RNF216: variants seen among roughly 807,000 people sequenced by gnomAD.
RNF216 encodes E3 ubiquitin-protein ligase RNF216.
A neutral mutation model predicts 110.8 loss-of-function variants in RNF216; 72 were observed. The observed-to-expected ratio is 0.65, with a 90% CI of 0.54 to 0.79. The LOEUF (loss-of-function observed/expected upper bound fraction) is 0.79, where lower values mean the gene tolerates loss of function less well. RNF216 is among the 30% of genes least tolerant of loss of function. RNF216 has a pLI of 0.00. For synonymous variants in RNF216, 495 were observed against 407.5 expected, an observed-to-expected ratio of 1.21 and a Z score of -2.59; for missense variants, 1,342 against 1,141.2, an observed-to-expected ratio of 1.18 and a Z score of -2.54.
At chr7:5,749,683 C>T (rs1485202278) in intron 3 of RNF216, among the ~76,000 whole-genome samples, 1 of 152,098 alleles carries the variant, frequency 6.6e-6, no homozygotes, top group Non-Finnish European at 1.5e-5. Flanking sequence ...CAATTATAAT[C>T]CTAAAGTGCT....
At chr7:5,646,648 G>A (rs985309881) in intron 14 of RNF216, among the ~76,000 whole-genome samples, 1 of 150,932 alleles carries the variant, frequency 6.6e-6, no homozygotes, top group Non-Finnish European at 1.5e-5. Flanking sequence ...AGCCAAGATT[G>A]CACCACTGCA....
At chr7:5,676,793 G>T (rs991354694) in intron 13 of RNF216, among the ~76,000 whole-genome samples, 1 of 152,204 alleles carries the variant, frequency 6.6e-6, no homozygotes, top group Non-Finnish European at 1.5e-5. Context: ...ACACAGAAAA[G>T]CCACTGGACT....
chr7:5,639,175 G>C (rs1264342390), intron 15 of RNF216, among the ~76,000 whole-genome samples: 3 of 152,170 alleles, frequency 2.0e-5, no homozygotes, highest in African/African-American at 7.2e-5. Flanking sequence ...CATTCCTTAA[G>C]AGATAGGGAA....
intron 1 of RNF216, among the ~76,000 whole-genome samples, chr7:5,775,629 A>T (rs1796730689): frequency 6.6e-6 from 1 of 151,828 alleles, no homozygotes; most frequent in South Asian, 2.1e-4. Context: ...CAAAACTTTG[A>T]GAGGCCGAGG....
intron 3 of RNF216, among the ~76,000 whole-genome samples, chr7:5,747,913 G>C (rs1055659632): frequency 6.6e-6 from 1 of 152,056 alleles, no homozygotes; most frequent in African/African-American, 2.4e-5. Context: ...AAAGGACTGA[G>C]ATTACAGGTT....
intron 9 of RNF216, among the ~76,000 whole-genome samples, chr7:5,719,849 T>C (rs140810152): frequency 6.6e-6 from 1 of 152,216 alleles, no homozygotes; most frequent in African/African-American, 2.4e-5. Flanking sequence ...GTGGCTCAGT[T>C]GCATAAGTGC....
chr7:5,702,259 T>G (rs1347029992), intron 13 of RNF216, among the ~76,000 whole-genome samples: 1 of 152,112 alleles, frequency 6.6e-6, no homozygotes, highest in Non-Finnish European at 1.5e-5. Context: ...CACTCACAGC[T>G]CCCAGCCTCC....
intron 1 of RNF216, among the ~76,000 whole-genome samples, chr7:5,774,099 G>A (rs1562483414): frequency 1.3e-5 from 2 of 152,206 alleles, no homozygotes; most frequent in Non-Finnish European, 2.9e-5. Context: ...TTAACTAAAT[G>A]TAAGTCTCTG....
At chr7:5,709,893 TATGGGCACACACCACCATGCC>T in intron 13 of RNF216, among the ~76,000 whole-genome samples, 1 of 152,326 alleles carries the variant, frequency 6.6e-6, no homozygotes, top group East Asian at 1.9e-4. Context: ...TAGCTAGGAC[TATGGGCACACACCACCATGCC>T]TAGCTGAGTT....
chr7:5,652,344 T>C, intron 14 of RNF216, 69 bp downstream of exon 14: 1 of 1,129,112 alleles, frequency 8.9e-7, no homozygotes, highest in Non-Finnish European at 1.4e-6. Context: ...GTATGCCCTC[T>C]CTACCAAAAA....
At chr7:5,673,550 G>C (rs1316058722) in intron 13 of RNF216, among the ~76,000 whole-genome samples, 2 of 152,252 alleles carry the variant, frequency 1.3e-5, no homozygotes. Context: ...GCAGGGAAGA[G>C]AGCAAGTTGC....
intron 13 of RNF216, among the ~76,000 whole-genome samples, chr7:5,661,825 G>A (rs1156402408): frequency 6.6e-6 from 1 of 152,060 alleles, no homozygotes; most frequent in African/African-American, 2.4e-5. Context: ...AACAAAAAAG[G>A]TAAGAGAAAA....
Position 5,722,714 on chromosome 7 carries a change from C to G in RNF216, c.1505-1542G>C, listed in dbSNP as rs531593504. On this transcript the variant is annotated intron_variant, in intron 8 of 16. Transcript: ENST00000389902. ...CTCTCATGTTTTTTTAAATTCAAAC[C>G]TTTTCTTCAGAAAACCAGTTTTTGG... 4.6e-5 allele frequency among the ~76,000 whole-genome samples: 7 copies of G among 151,730 alleles called. No homozygotes were observed. In the East Asian group the frequency reaches 1.4e-3, roughly 30 times the overall value.
At chr7:5,675,726 T>TTTTTTTTTTTTG (rs1790243423) in intron 13 of RNF216, among the ~76,000 whole-genome samples, 1 of 151,578 alleles carries the variant, frequency 6.6e-6, no homozygotes, top group African/African-American at 2.4e-5. Context: ...TTTTTTTTTT[T>TTTTTTTTTTTTG]GAGGTGGAGT....
intron 1 of RNF216, among the ~76,000 whole-genome samples, chr7:5,770,327 G>A (rs1250289859): frequency 2.6e-5 from 4 of 152,010 alleles, no homozygotes; most frequent in Non-Finnish European, 5.9e-5. Context: ...CAGGCGTGGT[G>A]GCACATGCCT....
rs747828682 is a variant in RNF216 at position 5,740,984 on chromosome 7, C to T, written c.1033G>A (p.Val345Met). 1 of 1,601,944 alleles carries T rather than the reference C, an allele frequency of 6.2e-7. No homozygotes were observed. Among genetic ancestry groups the T allele is most frequent in the Non-Finnish European group, 8.5e-7 (1 of 1,176,060 alleles). Reference sequence around the variant, plus strand: ...AAAATAAAACTTACCGTTTCTTTCACTAGTAGTTCAACGAGCTCTTGATCT... The same window carrying T: ...AAAATAAAACTTACCGTTTCTTTCATTAGTAGTTCAACGAGCTCTTGATCT... ...EVDQELVELL[V>M]KETEARFPDV... The change falls in exon 4 of 17, where the codon GTG becomes ATG. Residue 345 changes from valine to methionine, a missense_variant. Transcript: ENST00000389902.
At chr7:5,723,084 T>G (rs1253545725) in intron 8 of RNF216, among the ~76,000 whole-genome samples, 5 of 152,208 alleles carry the variant, frequency 3.3e-5, no homozygotes, top group Non-Finnish European at 5.9e-5. Context: ...GCCAAGTTAC[T>G]TAACCTCTCT....
intron 15 of RNF216, among the ~76,000 whole-genome samples, chr7:5,627,945 T>A (rs974921041): frequency 6.6e-6 from 1 of 152,106 alleles, no homozygotes; most frequent in East Asian, 1.9e-4. Context: ...CCTGAATAAA[T>A]CCTATTTCAG....
At chr7:5,653,067 C>T (rs897344936) in intron 13 of RNF216, among the ~76,000 whole-genome samples, 1 of 152,082 alleles carries the variant, frequency 6.6e-6, no homozygotes, top group East Asian at 1.9e-4. Flanking sequence ...CACAAGCTGG[C>T]GTCCAAAACT....
Sources: gnomAD v4.1 joint callset for allele counts (sites outside exome capture counted in the v4.1 genomes callset) on GRCh38, gnomAD v4.1.1 for gene constraint, MANE v1.5 for transcripts, NCBI Gene and HGNC (gene_info 2026-07-23, HGNC 2026-07-21) for gene names.